CAPN3: variants seen among roughly 807,000 people sequenced by gnomAD.
CAPN3 encodes the protein calpain 3.
In CAPN3, 88 loss-of-function variants were observed where a neutral mutation model predicts 114.0. The observed-to-expected ratio is 0.77, with a 90% CI of 0.65 to 0.92. The LOEUF (loss-of-function observed/expected upper bound fraction) is 0.92, where lower values mean the gene tolerates loss of function less well. CAPN3 is among the 40% of genes least tolerant of loss of function. The pLI, the probability that CAPN3 is intolerant of heterozygous loss-of-function variation, is 0.00. For synonymous variants in CAPN3, 386 were observed against 382.9 expected, an observed-to-expected ratio of 1.01 and a Z score of -0.09; for missense variants, 1,028 against 1,069.0, an observed-to-expected ratio of 0.96 and a Z score of 0.53.
rs780276202 is a variant in CAPN3, at chr15:42,402,179, A to G, written c.1536+44A>G. 13 of 1,613,716 alleles carry G rather than the reference A, an allele frequency of 8.1e-6. No individual in the cohort carries two copies. The African/African-American group carries it at 1.5e-4, about 18-fold the overall frequency. ...CCAGCAGTTGTGTGCAGCACTACCC[A>G]GGGGGCCCCGAGTCTGTCTGTGGCT... is the stretch of plus-strand genomic sequence containing the variant. On this transcript the variant is annotated intron_variant, in intron 12 of 23. Transcript: ENST00000397163.
At chr15:42,360,677 C>T (rs1169363108) in intron 1 of CAPN3, among the ~76,000 whole-genome samples, 1 of 152,130 alleles carries the variant, frequency 6.6e-6, no homozygotes, top group Non-Finnish European at 1.5e-5. Flanking sequence ...ACCTAGCAAT[C>T]GCTTTTGTCC....
At chr15:42,362,636 A>G (rs1445478954) in intron 1 of CAPN3, among the ~76,000 whole-genome samples, 2 of 152,256 alleles carry the variant, frequency 1.3e-5, no homozygotes, top group Non-Finnish European at 2.9e-5. Flanking sequence ...AATGAGAAAT[A>G]TAAAATTAGA....
At chr15:42,410,757 A>T in intron 21 of CAPN3, 91 bp downstream of exon 21, 1 of 1,358,606 alleles carries the variant, frequency 7.4e-7, no homozygotes, top group Non-Finnish European at 1.1e-6. Flanking sequence ...CCCACTAGAG[A>T]AAGGAGAGGG....
chr15:42,362,608 A>T (rs1164483668), intron 1 of CAPN3, among the ~76,000 whole-genome samples: 1 of 152,194 alleles, frequency 6.6e-6, no homozygotes, highest in Non-Finnish European at 1.5e-5. Flanking sequence ...AACACTGCCC[A>T]TTGGGTTCAC....
At chr15:42,383,793 G>C (rs2053310240) in intron 1 of CAPN3, among the ~76,000 whole-genome samples, 1 of 151,540 alleles carries the variant, frequency 6.6e-6, no homozygotes, top group African/African-American at 2.4e-5. Flanking sequence ...GGCTGGTCTT[G>C]AACTCCTGAC....
chr15:42,401,250 C>T (rs931587249), intron 10 of CAPN3, among the ~76,000 whole-genome samples: 5 of 151,306 alleles, frequency 3.3e-5, no homozygotes, highest in African/African-American at 4.9e-5. Flanking sequence ...GCATCATGCG[C>T]GTGTAGGGGG....
chr15:42,366,990 T>C (rs141980670), intron 1 of CAPN3, among the ~76,000 whole-genome samples: 7,958 of 151,900 alleles, frequency 0.052, 645 homozygotes, highest in African/African-American at 0.17. Flanking sequence ...TGCGCCACCA[T>C]GCCTGGCTAA....
rs765935351 is a variant in CAPN3 at position 42,384,531 on chromosome 15, G to A, written c.358G>A (p.Asp120Asn). ...TATCATTGATGGAGCCAACAGAACT[G>A]ACATCTGTCAAGGAGAGCTAGGTAG... ...RFIIDGANRT[D>N]ICQGELGDCW... Residue 120 changes from aspartate (D) to asparagine (N), a missense_variant, in exon 2 of 24, where the codon GAC becomes AAC. By Grantham distance (23) the Asp-to-Asn change is conservative (BLOSUM62 1). Coordinates refer to ENST00000397163, the MANE Select transcript of CAPN3 (RefSeq NM_000070.3). 5 of 1,613,732 alleles carry A rather than the reference G, an allele frequency of 3.1e-6. No homozygotes were observed. The South Asian group carries it at 3.3e-5, about 11-fold the overall frequency.
intron 15 of CAPN3, 120 bp downstream of exon 15, chr15:42,406,063 C>A (rs1401845272): frequency 3.4e-6 from 3 of 894,238 alleles, no homozygotes; most frequent in African/African-American, 3.3e-5. Flanking sequence ...TCTTCCTCCC[C>A]CTCCTTCCTG....
Position 42,381,773 on chromosome 15 carries a change from C to T in CAPN3, c.310-2710C>T, listed in dbSNP as rs111634680. On this transcript the variant is annotated intron_variant, in intron 1 of 23. Coordinates refer to ENST00000397163, the MANE Select transcript of CAPN3 (RefSeq NM_000070.3). ...CAGGCTGGTCTCGAACTCCTGGCCT[C>T]GTGATCCGCCCACCTCAGCCTCCCA... 5.2e-3 allele frequency among the ~76,000 whole-genome samples: 788 copies of T among 152,214 alleles called. 10 individuals carry two copies. Among genetic ancestry groups the T allele is most frequent in the African/African-American group, 0.018 (731 of 41,524 alleles).
At chr15:42,375,785 A>G (rs895733933) in intron 1 of CAPN3, among the ~76,000 whole-genome samples, 6 of 152,198 alleles carry the variant, frequency 3.9e-5, no homozygotes, top group Non-Finnish European at 5.9e-5. Flanking sequence ...TACATTTGCT[A>G]CAATTAAATT....
At chr15:42,365,860 G>A (rs16973177) in intron 1 of CAPN3, among the ~76,000 whole-genome samples, 5,777 of 152,234 alleles carry the variant, frequency 0.038, 338 homozygotes, top group African/African-American at 0.12. Context: ...CCAGACAGAC[G>A]GCAGCAGCCT....
At chr15:42,390,880 T>C (rs546265677) in intron 6 of CAPN3, among the ~76,000 whole-genome samples, 152 of 149,230 alleles carry the variant, frequency 1.0e-3, no homozygotes, top group African/African-American at 3.6e-3. Context: ...AACCTCTGCC[T>C]CCAAAGTTAA....
intron 14 of CAPN3, chr15:42,404,096 T>G (rs2053953171): frequency 2.0e-6 from 1 of 509,980 alleles, no homozygotes; most frequent in African/African-American, 1.9e-5. Flanking sequence ...CACTGGATTC[T>G]GAGACTGGAT....
Position 42,359,688 on chromosome 15 carries a change from A to ATG in CAPN3, c.-118_-117insTG. 1 of 1,570,716 alleles carries ATG rather than the reference A, an allele frequency of 6.4e-7. No individual in the cohort carries two copies. The highest frequency in any genetic ancestry group is 8.6e-7 in the Non-Finnish European group (1 of 1,162,110). The stretch of plus-strand genomic sequence containing the variant: ...GCTTTCAACTTTGAACTGGATGTGG[A>ATG]CACTTTTCTCTCAGATGACAGAATT... On this transcript the variant is annotated 5_prime_UTR_variant, in exon 1 of 24. In the 5' UTR this introduces an upstream ATG that the reference lacks. Coordinates refer to ENST00000397163, the MANE Select transcript of CAPN3 (RefSeq NM_000070.3).
chr15:42,395,920 A>C (rs1235046255), intron 8 of CAPN3, among the ~76,000 whole-genome samples: 1 of 152,196 alleles, frequency 6.6e-6, no homozygotes, highest in Admixed American at 6.5e-5. Flanking sequence ...TTGCCACCAT[A>C]GTGAGGAGAG....
At chr15:42,411,249 G>C in intron 22 of CAPN3, 38 bp from the exon 23 acceptor site, 1 of 1,568,694 alleles carries the variant, frequency 6.4e-7, no homozygotes, top group Non-Finnish European at 8.8e-7. Context: ...GGCGGAGTGC[G>C]CCTGTAACTG....
intron 1 of CAPN3, among the ~76,000 whole-genome samples, chr15:42,382,360 G>T (rs543436950): frequency 3.3e-5 from 5 of 152,054 alleles, no homozygotes; most frequent in South Asian, 2.1e-4. Flanking sequence ...TTATAGTGGG[G>T]TTTTTTGTTT....
chr15:42,389,841 T>C (rs1474880677), intron 5 of CAPN3, 112 bp from the exon 6 acceptor site: 4 of 1,143,948 alleles, frequency 3.5e-6, no homozygotes, highest in South Asian at 2.6e-5. Flanking sequence ...TGATCTCTCC[T>C]CTCTCCCTTT....
Sources: allele counts gnomAD v4.1 joint callset (sites outside exome capture counted in the v4.1 genomes callset), GRCh38; gene constraint gnomAD v4.1.1; transcripts MANE v1.5; gene names NCBI Gene and HGNC (gene_info 2026-07-23, HGNC 2026-07-21).